SV2C: variants seen among roughly 807,000 people sequenced by gnomAD.
SV2C encodes the protein synaptic vesicle glycoprotein 2C, also known as solute carrier family 22 member B3.
Under a neutral mutation model 79.7 loss-of-function variants are expected in SV2C, and 49 were observed. That is an observed-to-expected ratio of 0.61 (90% CI 0.49 to 0.78). SV2C has a LOEUF of 0.78. Among genes scored for constraint, SV2C ranks in the 30% least tolerant of loss-of-function variants. SV2C has a pLI of 0.00. For missense variants in SV2C, 833 were observed against 912.9 expected (o/e 0.91, Z 1.13); for synonymous variants, 334 against 333.2 (o/e 1.00, Z -0.03).
chr5:76,231,317 A>C (rs1017482994), intron 4 of SV2C, among the ~76,000 whole-genome samples: 4 of 152,236 alleles, frequency 2.6e-5, no homozygotes, highest in Non-Finnish European at 4.4e-5. Flanking sequence ...AACATATGTT[A>C]CAATATCACA....
At chr5:75,921,567 T>C in the SV2C span, 1 of 927,508 alleles carries the variant, frequency 1.1e-6, no homozygotes, top group South Asian at 1.3e-5. Context: ...TTTGTGTCAT[T>C]GCGGCCCGTG....
chr5:75,949,105 T>G, the SV2C span, among the ~76,000 whole-genome samples: 1 of 151,862 alleles, frequency 6.6e-6, no homozygotes, highest in Admixed American at 6.6e-5. Flanking sequence ...TGGCACCTCC[T>G]CTCCCTCTTG....
At chr5:75,851,602 T>C in the SV2C span, among the ~76,000 whole-genome samples, 1 of 152,080 alleles carries the variant, frequency 6.6e-6, no homozygotes, top group Non-Finnish European at 1.5e-5. Context: ...CTTTCATAAG[T>C]GAGCAGTATG....
At chr5:76,177,104 G>A (rs1743555893) in intron 2 of SV2C, among the ~76,000 whole-genome samples, 2 of 129,674 alleles carry the variant, frequency 1.5e-5, no homozygotes, top group East Asian at 2.6e-4. Context: ...GACAGAGCGA[G>A]ACTCTGTCTC....
chr5:76,030,289 T>TTTTTTTTATTTATTTATTTA, the SV2C span, among the ~76,000 whole-genome samples: 1 of 117,874 alleles, frequency 8.5e-6, no homozygotes, highest in African/African-American at 3.9e-5. Context: ...TTTTTTTTTT[T>TTTTTTTTATTTATTTATTTA]TTTATTTATT....
chr5:76,165,132 G>T (rs1179064161), intron 2 of SV2C, among the ~76,000 whole-genome samples: 1 of 152,130 alleles, frequency 6.6e-6, no homozygotes, highest in East Asian at 1.9e-4. Context: ...GTGTGTGTCT[G>T]TGTGTTTATG....
At chr5:75,932,364 T>C in the SV2C span, among the ~76,000 whole-genome samples, 1 of 152,254 alleles carries the variant, frequency 6.6e-6, no homozygotes, top group East Asian at 1.9e-4. Flanking sequence ...GCCCCATCTT[T>C]CTCTGCCAAG....
chr5:75,957,016 G>A, the SV2C span, among the ~76,000 whole-genome samples: 2 of 152,074 alleles, frequency 1.3e-5, no homozygotes, highest in Non-Finnish European at 2.9e-5. Context: ...CCAAGTCCAT[G>A]TCACATAGTT....
the SV2C span, among the ~76,000 whole-genome samples, chr5:75,907,451 T>A: frequency 6.6e-6 from 1 of 152,112 alleles, no homozygotes; most frequent in African/African-American, 2.4e-5. Flanking sequence ...TGGTAACCCT[T>A]GCAGGCTATG....
intron 2 of SV2C, among the ~76,000 whole-genome samples, chr5:76,177,217 CAAAT>C (rs1743563481): frequency 1.4e-5 from 1 of 74,056 alleles, no homozygotes; most frequent in African/African-American, 8.1e-5. Flanking sequence ...ATAATATATA[CAAAT>C]ATATTAATCT....
At chr5:75,864,164 G>T in the SV2C span, among the ~76,000 whole-genome samples, 2 of 151,986 alleles carry the variant, frequency 1.3e-5, no homozygotes, top group South Asian at 4.2e-4. Flanking sequence ...ACAGTAAAGG[G>T]CAAAAAGTTC....
At position 76,113,867 on chromosome 5, in the gene SV2C, T is replaced by C. The variant is rs1225330301; in HGVS notation, c.-101-17783T>C. 3.9e-5 allele frequency among the ~76,000 whole-genome samples: 6 copies of C among 152,242 alleles called. No homozygotes were observed. In the South Asian group the frequency reaches 8.3e-4, roughly 21 times the overall value. On this transcript the variant is annotated intron_variant, in intron 1 of 12. Transcript: ENST00000502798. ...TGCCCATTCTCAGTGGCTACCTAGA[T>C]CTCTTACGCTACTCTTTCTAACGCA... is the stretch of plus-strand genomic sequence containing the variant.
intron 4 of SV2C, among the ~76,000 whole-genome samples, chr5:76,245,559 A>C (rs947402938): frequency 1.3e-5 from 2 of 152,210 alleles, no homozygotes; most frequent in South Asian, 4.1e-4. Context: ...AAATGTATTG[A>C]TGTCCTTGGT....
At chr5:76,266,050 C>T (rs1265187465) in intron 4 of SV2C, among the ~76,000 whole-genome samples, 1 of 151,840 alleles carries the variant, frequency 6.6e-6, no homozygotes, top group Non-Finnish European at 1.5e-5. Context: ...GTGGGGTGTG[C>T]CCGGAAGGAC....
At chr5:75,916,444 C>CTCCTCCTCCTCCTTCTCTTCT in the SV2C span, among the ~76,000 whole-genome samples, 35 of 147,838 alleles carry the variant, frequency 2.4e-4, no homozygotes, top group Non-Finnish European at 4.3e-4. Context: ...CCCTTCTCCT[C>CTCCTCCTCCTCCTTCTCTTCT]TCCTCCTCCT....
intron 1 of SV2C, among the ~76,000 whole-genome samples, chr5:76,108,097 G>T (rs1467086383): frequency 1.3e-5 from 2 of 152,076 alleles, no homozygotes; most frequent in East Asian, 3.8e-4. Context: ...TTTGGATGTT[G>T]GTCTACATGG....
chr5:75,984,274 A>C, the SV2C span, among the ~76,000 whole-genome samples: 1 of 152,184 alleles, frequency 6.6e-6, no homozygotes, highest in Non-Finnish European at 1.5e-5. Context: ...GAAGGAAAAT[A>C]ATCTAATAAG....
chr5:75,996,861 T>C, the SV2C span, among the ~76,000 whole-genome samples: 1 of 138,920 alleles, frequency 7.2e-6, no homozygotes, highest in Admixed American at 7.3e-5. Flanking sequence ...CTGAAGTTGC[T>C]TATCAGCTTA....
At position 76,325,976 on chromosome 5, in the gene SV2C, CTTT is replaced by C. The variant is rs34500881; in HGVS notation, c.*442_*444del. On this transcript the variant is annotated 3_prime_UTR_variant, in exon 13 of 13. Coordinates refer to ENST00000502798, the MANE Select transcript of SV2C (RefSeq NM_014979.4). ...TGCATTTGTGCTGAGAAGAGGGATT[CTTT>C]TTTTTTTTTTTTCTAACAGAGTGAT... The C allele has an allele frequency of 1.4e-5, 2 of 143,484 alleles. No individual in the cohort carries two copies. Among genetic ancestry groups the C allele is most frequent in the African/African-American group, 2.6e-5 (1 of 39,044 alleles). 8.9% of individuals were successfully genotyped at this position (143,484 alleles called of 1,614,324 possible).
Sources: gnomAD v4.1 joint callset for allele counts (sites outside exome capture counted in the v4.1 genomes callset) on GRCh38, gnomAD v4.1.1 for gene constraint, MANE v1.5 for transcripts, NCBI Gene and HGNC (gene_info 2026-07-23, HGNC 2026-07-21) for gene names.